Variants in PCDH9 observed in about 807,000 individuals in gnomAD.
The protein encoded by PCDH9 is protocadherin 9, also known as protocadherin-9.
A neutral mutation model predicts 70.6 loss-of-function variants in PCDH9; 24 were observed. That is an observed-to-expected ratio of 0.34 (90% CI 0.25 to 0.48). PCDH9 has a LOEUF of 0.48. Ranked by LOEUF, PCDH9 falls within the 20% of genes least tolerant of loss-of-function variation. The pLI is 0.99. For missense variants in PCDH9, 1,281 were observed against 1,503.6 expected (o/e 0.85, Z 2.45); for synonymous variants, 562 against 558.5 (o/e 1.01, Z -0.09).
chr13:66,677,434 A>G (rs940697335), intron 3 of PCDH9, among the ~76,000 whole-genome samples: 1 of 152,106 alleles, frequency 6.6e-6, no homozygotes, highest in Admixed American at 6.6e-5. Context: ...CAGCTGGTAT[A>G]GTTTGGATAT....
intron 3 of PCDH9, among the ~76,000 whole-genome samples, chr13:66,817,801 A>C (rs967782232): frequency 2.0e-5 from 3 of 151,892 alleles, no homozygotes; most frequent in African/African-American, 7.3e-5. Context: ...ACCCCCAAGT[A>C]ATTTTTTGTA....
chr13:66,517,620 A>T (rs9564319), intron 4 of PCDH9, among the ~76,000 whole-genome samples: 78,931 of 151,936 alleles, frequency 0.52, 21,752 homozygotes, highest in East Asian at 0.66. Context: ...GGAATGAATT[A>T]TGGTTTTCTT....
chr13:66,685,110 G>A (rs951024991), intron 3 of PCDH9, among the ~76,000 whole-genome samples: 4 of 152,066 alleles, frequency 2.6e-5, no homozygotes, highest in African/African-American at 4.8e-5. Flanking sequence ...AATGTTAGTC[G>A]CCAGGATAAT....
At chr13:67,141,299 G>A (rs1165641886) in intron 2 of PCDH9, among the ~76,000 whole-genome samples, 1 of 152,036 alleles carries the variant, frequency 6.6e-6, no homozygotes, top group Non-Finnish European at 1.5e-5. Flanking sequence ...GAAAGAAAGG[G>A]AAATGGGGCC....
chr13:66,972,078 C>T (rs545654389), intron 2 of PCDH9, among the ~76,000 whole-genome samples: 4 of 152,076 alleles, frequency 2.6e-5, no homozygotes, highest in South Asian at 2.1e-4. Flanking sequence ...TAACTGTTTG[C>T]ATCTGAATCT....
chr13:66,387,028 C>G (rs1390209726), intron 4 of PCDH9, among the ~76,000 whole-genome samples: 1 of 152,114 alleles, frequency 6.6e-6, no homozygotes, highest in Admixed American at 6.5e-5. Flanking sequence ...AATTAGTTCT[C>G]AGCATTACAA....
chr13:66,685,535 G>A (rs929675561), intron 3 of PCDH9, among the ~76,000 whole-genome samples: 10 of 152,222 alleles, frequency 6.6e-5, no homozygotes, highest in African/African-American at 2.4e-4. Flanking sequence ...CCCCCACACA[G>A]AGTCCCCACT....
intron 3 of PCDH9, among the ~76,000 whole-genome samples, chr13:66,801,345 T>C (rs1284210231): frequency 6.6e-6 from 1 of 152,096 alleles, no homozygotes; most frequent in African/African-American, 2.4e-5. Flanking sequence ...TTTTTTCCTG[T>C]GTGTTCTAGG....
intron 3 of PCDH9, among the ~76,000 whole-genome samples, chr13:66,735,161 A>G (rs771857678): frequency 3.3e-5 from 5 of 152,214 alleles, no homozygotes; most frequent in Non-Finnish European, 7.3e-5. Flanking sequence ...AAAATTTCAA[A>G]AGAGTATCAG....
At chr13:66,372,925 A>T (rs1956683303) in intron 4 of PCDH9, among the ~76,000 whole-genome samples, 1 of 151,934 alleles carries the variant, frequency 6.6e-6, no homozygotes, top group African/African-American at 2.4e-5. Flanking sequence ...GTTCTTCAAG[A>T]AACAAAAAAC....
chr13:66,605,350 C>A (rs1262818877), intron 4 of PCDH9, among the ~76,000 whole-genome samples: 1 of 152,098 alleles, frequency 6.6e-6, no homozygotes, highest in Non-Finnish European at 1.5e-5. Flanking sequence ...TTGATTAACT[C>A]TTTGGAATCC....
intron 2 of PCDH9, chr13:67,224,945 A>G: frequency 1.0e-6 from 1 of 1,000,162 alleles, no homozygotes; most frequent in Non-Finnish European, 1.2e-6. Context: ...AAAAAAATTA[A>G]CCCCTTTAGC....
chr13:67,044,690 G>T (rs962955473), intron 2 of PCDH9, among the ~76,000 whole-genome samples: 2 of 152,126 alleles, frequency 1.3e-5, no homozygotes, highest in Non-Finnish European at 2.9e-5. Flanking sequence ...TCACAGATAG[G>T]AAAAGGCTGT....
intron 3 of PCDH9, among the ~76,000 whole-genome samples, chr13:66,759,640 TA>T (rs2079591402): frequency 1.1e-5 from 1 of 88,858 alleles, no homozygotes; most frequent in Non-Finnish European, 2.4e-5. Context: ...TCTTGTTTTT[TA>T]CTTTTTGTGT....
intron 4 of PCDH9, among the ~76,000 whole-genome samples, chr13:66,321,487 G>T (rs562626243): frequency 1.6e-3 from 247 of 151,892 alleles, no homozygotes; most frequent in Middle Eastern, 3.4e-3. Flanking sequence ...TACATTTTTC[G>T]GTTGATGGTC....
At chr13:67,123,621 C>T (rs1404100208) in intron 2 of PCDH9, among the ~76,000 whole-genome samples, 1 of 152,120 alleles carries the variant, frequency 6.6e-6, no homozygotes, top group Non-Finnish European at 1.5e-5. Flanking sequence ...TTAGAAGAGA[C>T]TTTGTGCCTT....
At chr13:66,884,503 G>C (rs550864305) in intron 3 of PCDH9, among the ~76,000 whole-genome samples, 1 of 152,284 alleles carries the variant, frequency 6.6e-6, no homozygotes, top group South Asian at 2.1e-4. Flanking sequence ...TATGTTGAGA[G>C]ACTGAGTTGG....
intron 3 of PCDH9, among the ~76,000 whole-genome samples, chr13:66,642,355 T>C (rs1370039603): frequency 6.6e-6 from 1 of 152,048 alleles, no homozygotes; most frequent in Non-Finnish European, 1.5e-5. Context: ...CTATGTAACA[T>C]ATAGCCTGAC....
At chr13:66,769,331 C>T (rs2079767527) in intron 3 of PCDH9, among the ~76,000 whole-genome samples, 2 of 152,226 alleles carry the variant, frequency 1.3e-5, no homozygotes, top group East Asian at 1.9e-4. Context: ...TTTGATTACA[C>T]CCATCATAAA....
Sources: gnomAD v4.1 joint callset for allele counts (sites outside exome capture counted in the v4.1 genomes callset) on GRCh38, gnomAD v4.1.1 for gene constraint, MANE v1.5 for transcripts, NCBI Gene and HGNC (gene_info 2026-07-23, HGNC 2026-07-21) for gene names.